CLASP2: variants seen among roughly 807,000 people sequenced by gnomAD.
CLASP2 encodes cytoplasmic linker associated protein 2.
A neutral mutation model predicts 194.4 loss-of-function variants in CLASP2; 47 were observed. The ratio of observed to expected loss-of-function variants is 0.24; its 90% CI spans 0.19 to 0.31. The LOEUF is 0.31. Among genes scored for constraint, CLASP2 ranks in the 10% least tolerant of loss-of-function variants. The probability of loss-of-function intolerance (pLI) is 1.00; values close to 1 mark genes in which losing one functional copy is unlikely to be tolerated. For missense variants in CLASP2, 1,445 were observed against 1,823.6 expected (o/e 0.79, Z 3.78); for synonymous variants, 619 against 633.5 (o/e 0.98, Z 0.34).
At chr3:33,656,446 A>G (rs2084233650) in intron 7 of CLASP2, among the ~76,000 whole-genome samples, 2 of 152,202 alleles carry the variant, frequency 1.3e-5, no homozygotes, top group Non-Finnish European at 2.9e-5. Flanking sequence ...AAAGGGTGAG[A>G]TATTTTTCAA....
intron 32 of CLASP2, among the ~76,000 whole-genome samples, chr3:33,543,111 G>A (rs1161774488): frequency 2.0e-5 from 3 of 152,092 alleles, no homozygotes; most frequent in Non-Finnish European, 4.4e-5. Context: ...GGTACCTCAC[G>A]CCTGTAATCC....
At chr3:33,671,728 C>T (rs1012771066) in intron 6 of CLASP2, among the ~76,000 whole-genome samples, 2 of 152,178 alleles carry the variant, frequency 1.3e-5, no homozygotes, top group Admixed American at 6.5e-5. Context: ...AAAATCGGGT[C>T]ACTCCCACCT....
chr3:33,633,260 C>A (rs1261302332), intron 8 of CLASP2, among the ~76,000 whole-genome samples: 1 of 152,174 alleles, frequency 6.6e-6, no homozygotes, highest in African/African-American at 2.4e-5. Context: ...CCCCTGAGTT[C>A]TCATTCCTGA....
intron 1 of CLASP2, among the ~76,000 whole-genome samples, chr3:33,697,148 T>C (rs1398218300): frequency 1.3e-5 from 2 of 152,190 alleles, no homozygotes; most frequent in Admixed American, 6.5e-5. Context: ...AACAGGAAGA[T>C]AGCAATAAAG....
chr3:33,711,736 A>G (rs1258752736), intron 1 of CLASP2, among the ~76,000 whole-genome samples: 1 of 152,216 alleles, frequency 6.6e-6, no homozygotes, highest in African/African-American at 2.4e-5. Flanking sequence ...GCAATTTCCA[A>G]AAGAAGATAT....
chr3:33,610,893 TAATTA>T (rs1484114092), intron 13 of CLASP2, among the ~76,000 whole-genome samples: 1 of 152,218 alleles, frequency 6.6e-6, no homozygotes, highest in Non-Finnish European at 1.5e-5. Flanking sequence ...ACACAGTATT[TAATTA>T]AACATATTTA....
intron 7 of CLASP2, among the ~76,000 whole-genome samples, chr3:33,657,866 A>G (rs1462549714): frequency 1.3e-5 from 2 of 152,142 alleles, no homozygotes; most frequent in East Asian, 3.9e-4. Context: ...TATCTCTCAT[A>G]GCCCCTAGGG....
At chr3:33,708,891 T>C (rs551869652) in intron 1 of CLASP2, among the ~76,000 whole-genome samples, 75 of 152,288 alleles carry the variant, frequency 4.9e-4, no homozygotes, top group Admixed American at 9.2e-4. Context: ...ACATCCTAAC[T>C]GGTATGAGGT....
chr3:33,684,423 T>C lies in CLASP2; in HGVS notation c.580A>G (p.Ile194Val). 6.2e-7 allele frequency: 1 copy of C among 1,603,790 alleles called. No homozygotes were observed. Among genetic ancestry groups the C allele is most frequent in the Non-Finnish European group, 8.5e-7 (1 of 1,174,414 alleles). The change falls in exon 6 of 39, where the codon ATT becomes GTT. Residue 194 changes from isoleucine to valine, a missense_variant. Ile to Val is a conservative substitution (Grantham distance 29). This residue lies in a region of CLASP2 where 332 missense variants were observed against 325.3 expected (regional missense o/e 1.02). Transcript: ENST00000682230. ...RDAAILAIVEIYRHVGEKVRM... is the reference protein window; with the variant it reads ...RDAAILAIVEVYRHVGEKVRM... ...ACTTTTTCTCCCACATGTCTATAAA[T>C]CTCCACTATAGCCAATATTGCAGCA...
At chr3:33,706,387 A>C (rs1376470286) in intron 1 of CLASP2, among the ~76,000 whole-genome samples, 1 of 152,234 alleles carries the variant, frequency 6.6e-6, no homozygotes, top group Non-Finnish European at 1.5e-5. Flanking sequence ...TTGAAAATGA[A>C]ATAAAATAAA....
chr3:33,553,312 A>C (rs773105024), intron 29 of CLASP2, among the ~76,000 whole-genome samples: 5 of 152,180 alleles, frequency 3.3e-5, no homozygotes, highest in Non-Finnish European at 7.4e-5. Flanking sequence ...AGTATTTATA[A>C]TTTTACACAG....
intron 8 of CLASP2, among the ~76,000 whole-genome samples, chr3:33,644,206 G>T (rs1575188369): frequency 6.6e-6 from 1 of 152,066 alleles, no homozygotes; most frequent in East Asian, 1.9e-4. Context: ...AAAATTGCAT[G>T]AAACCTGATT....
chr3:33,574,515 T>C (rs760727510), intron 24 of CLASP2: 13 of 1,481,988 alleles, frequency 8.8e-6, no homozygotes, highest in African/African-American at 4.2e-5. Flanking sequence ...AGTAAATTTT[T>C]AAAGAGAAAA....
chr3:33,522,577 C>T (rs2053427822), intron 34 of CLASP2, among the ~76,000 whole-genome samples: 2 of 151,902 alleles, frequency 1.3e-5, no homozygotes, highest in Admixed American at 1.3e-4. Context: ...CAGAAACTGC[C>T]CTTGAAAAAG....
At chr3:33,543,360 A>G (rs1341697394) in intron 32 of CLASP2, 73 bp downstream of exon 32, 21 of 1,044,398 alleles carry the variant, frequency 2.0e-5, no homozygotes, top group East Asian at 4.8e-5. Flanking sequence ...GCGACAGAGC[A>G]AGACTCTGTC....
intron 37 of CLASP2, among the ~76,000 whole-genome samples, chr3:33,506,756 AC>A (rs2048357242): frequency 6.6e-6 from 1 of 152,120 alleles, no homozygotes; most frequent in South Asian, 2.1e-4. Flanking sequence ...CTTCTTCCCC[AC>A]AAAAAACTGT....
At chr3:33,538,704 A>G in intron 33 of CLASP2, 85 bp downstream of exon 33, 1 of 1,196,160 alleles carries the variant, frequency 8.4e-7, no homozygotes, top group Non-Finnish European at 1.1e-6. Flanking sequence ...AGTATATTCA[A>G]AAATGACAGA....
intron 7 of CLASP2, among the ~76,000 whole-genome samples, chr3:33,649,169 T>C (rs898007616): frequency 3.3e-5 from 5 of 152,240 alleles, no homozygotes; most frequent in African/African-American, 1.2e-4. Context: ...TCCATACTGT[T>C]CACTCACCAT....
chr3:33,649,539 A>C (rs950090629), intron 7 of CLASP2, among the ~76,000 whole-genome samples: 1 of 152,240 alleles, frequency 6.6e-6, no homozygotes, highest in Non-Finnish European at 1.5e-5. Context: ...ATAATGTACA[A>C]ATTTTTATAC....
Sources: gnomAD v4.1 joint callset for allele counts (sites outside exome capture counted in the v4.1 genomes callset) on GRCh38, gnomAD v4.1.1 for gene constraint, gnomAD v4.1.1 regional missense constraint, MANE v1.5 for transcripts, NCBI Gene and HGNC (gene_info 2026-07-23, HGNC 2026-07-21) for gene names.